ZNF827: variants seen among roughly 807,000 people sequenced by gnomAD.
ZNF827 encodes zinc finger protein 827.
A neutral mutation model predicts 102.4 loss-of-function variants in ZNF827; 13 were observed. The observed-to-expected ratio is 0.13, with a 90% CI of 0.08 to 0.20. The LOEUF (loss-of-function observed/expected upper bound fraction) is 0.20, where lower values mean the gene tolerates loss of function less well. Among genes scored for constraint, ZNF827 ranks in the 10% least tolerant of loss-of-function variants. The pLI, the probability that ZNF827 is intolerant of heterozygous loss-of-function variation, is 1.00. For missense variants in ZNF827, 1,103 were observed against 1,344.4 expected (o/e 0.82, Z 2.81); for synonymous variants, 523 against 536.2 (o/e 0.98, Z 0.34).
chr4:145,762,632 T>G lies in ZNF827; in HGVS notation c.*17+458A>C, dbSNP rs1003688576. Among the ~76,000 whole-genome samples, 1 of 152,090 alleles carries G rather than the reference T, an allele frequency of 6.6e-6. No homozygotes were observed. Among genetic ancestry groups the G allele is most frequent in the Non-Finnish European group, 1.5e-5 (1 of 68,010 alleles). On this transcript the variant is annotated intron_variant, in intron 14 of 14. Transcript: ENST00000508784. This position sits in a 1 kb window ranked among gnomAD's most constrained non-coding sequence, Gnocchi z 4.9. The stretch of plus-strand genomic sequence containing the variant: ...CAGGCTGGAGCTGGACACCCTAGCC[T>G]GGGCCTCTCTGTGGCTCGGTTTCTC...
intron 1 of ZNF827, among the ~76,000 whole-genome samples, chr4:145,917,962 T>C (rs1278109578): frequency 6.6e-6 from 1 of 152,130 alleles, no homozygotes; most frequent in Non-Finnish European, 1.5e-5. Context: ...AAAACTGGTA[T>C]TTTAAAAGGA....
chr4:145,911,228 G>A (rs188955245), intron 1 of ZNF827, among the ~76,000 whole-genome samples: 347 of 152,140 alleles, frequency 2.3e-3, no homozygotes, highest in African/African-American at 7.5e-3. Context: ...TAAAGTCGCC[G>A]CCCCCTCTAA....
intron 4 of ZNF827, among the ~76,000 whole-genome samples, chr4:145,885,239 TA>T (rs1750007667): frequency 6.6e-6 from 1 of 152,078 alleles, no homozygotes; most frequent in South Asian, 2.1e-4. Flanking sequence ...ATATGTCCTT[TA>T]AAAATCTTAT....
chr4:145,783,170 A>T (rs554659919), intron 8 of ZNF827, among the ~76,000 whole-genome samples: 1 of 152,274 alleles, frequency 6.6e-6, no homozygotes, highest in African/African-American at 2.4e-5. Context: ...CCTGGGGTAA[A>T]GGTTTTGCAT....
At chr4:145,802,642 G>C (rs1741024442) in intron 8 of ZNF827, among the ~76,000 whole-genome samples, 1 of 152,202 alleles carries the variant, frequency 6.6e-6, no homozygotes. Context: ...TGATTTAGTG[G>C]ATCTCAACCA....
At chr4:145,802,106 T>TTA (rs1740967423) in intron 8 of ZNF827, among the ~76,000 whole-genome samples, 1 of 152,222 alleles carries the variant, frequency 6.6e-6, no homozygotes, top group Non-Finnish European at 1.5e-5. Flanking sequence ...ACTAAAGACT[T>TTA]GTTTCAGATA....
At chr4:145,891,373 G>A (rs1045458835) in intron 3 of ZNF827, among the ~76,000 whole-genome samples, 4 of 152,170 alleles carry the variant, frequency 2.6e-5, no homozygotes, top group African/African-American at 9.7e-5. Context: ...TTCAATTCAG[G>A]TCTATCAAAT....
In ZNF827 at chr4:145,903,115, G is replaced by C. The variant is rs374103362; in HGVS notation, c.144C>G (p.Val48=). 7.4e-6 allele frequency: 12 copies of C among 1,614,076 alleles called. No homozygotes were observed. The part of the protein sequence containing the change: ...ETPSEASYGE[V]QENYKLSLED... The stretch of plus-strand genomic sequence containing the variant: ...CCAGAGACAACTTATAGTTCTCCTG[G>C]ACTTCCCCATAGGATGCTTCTGACG... The change falls in exon 2 of 15, where the codon GTC becomes GTG. Residue 48 remains valine (V), a synonymous_variant. Coordinates refer to ENST00000508784, the MANE Select transcript of ZNF827 (RefSeq NM_001306215.2).
At chr4:145,905,128 C>G (rs1031793550) in intron 1 of ZNF827, among the ~76,000 whole-genome samples, 2 of 152,208 alleles carry the variant, frequency 1.3e-5, no homozygotes, top group African/African-American at 4.8e-5. Context: ...TAAAGTGGTG[C>G]TCCTAGAGGG....
intron 8 of ZNF827, among the ~76,000 whole-genome samples, chr4:145,809,600 G>T (rs1407750388): frequency 9.9e-5 from 15 of 152,162 alleles, no homozygotes; most frequent in Admixed American, 9.8e-4. Flanking sequence ...GAGGTCACAA[G>T]ATGTGTCTTC....
At chr4:145,934,976 C>T (rs1754055328) in intron 1 of ZNF827, among the ~76,000 whole-genome samples, 1 of 152,168 alleles carries the variant, frequency 6.6e-6, no homozygotes. Flanking sequence ...TTAACAGTGG[C>T]TATTAACCTC....
intron 1 of ZNF827, among the ~76,000 whole-genome samples, chr4:145,931,573 T>C (rs1474982790): frequency 6.6e-6 from 1 of 152,228 alleles, no homozygotes; most frequent in Non-Finnish European, 1.5e-5. Context: ...CCCTATTCTG[T>C]AGGTCATACT....
rs1394141380 is a variant in ZNF827 at position 145,762,486 on chromosome 4, G to A, written c.*17+604C>T. 1.3e-5 allele frequency among the ~76,000 whole-genome samples: 2 copies of A among 152,170 alleles called. No individual in the cohort carries two copies. The highest frequency in any genetic ancestry group is 1.9e-4 in the East Asian group (1 of 5,192). On this transcript the variant is annotated intron_variant, in intron 14 of 14. Transcript: ENST00000508784. The surrounding 1 kb of genome is among the most constrained non-coding windows in gnomAD (Gnocchi z 4.9). ...TCCTCTGCATTCTCTGCAGTGCTTG[G>A]TAGAGTACTTAACACACGGTAAGCA...
At chr4:145,804,858 T>TTA (rs1259826778) in intron 8 of ZNF827, among the ~76,000 whole-genome samples, 6 of 152,240 alleles carry the variant, frequency 3.9e-5, no homozygotes, top group African/African-American at 1.4e-4. Flanking sequence ...AGTATTATAT[T>TTA]TATATAACAA....
At chr4:145,836,939 C>G (rs28814669) in intron 7 of ZNF827, among the ~76,000 whole-genome samples, 3,307 of 152,258 alleles carry the variant, frequency 0.022, 123 homozygotes, top group African/African-American at 0.075. Context: ...ACATCAAGCT[C>G]GAGGATTTGC....
intron 1 of ZNF827, among the ~76,000 whole-genome samples, chr4:145,919,669 T>TC (rs1752919551): frequency 1.3e-5 from 2 of 152,178 alleles, no homozygotes; most frequent in African/African-American, 4.8e-5. Flanking sequence ...ACTACTGAAA[T>TC]CCATCATCCA....
rs774851537 is a variant in ZNF827 at position 145,761,564 on chromosome 4, C to T, written c.*52G>A. 3.9e-6 allele frequency: 5 copies of T among 1,276,204 alleles called. No homozygotes were observed. Among genetic ancestry groups the T allele is most frequent in the South Asian group, 2.5e-5 (2 of 79,856 alleles). The allele number at this position is 1,276,204 out of a possible 1,614,324, so 79.1% of individuals were successfully genotyped here. ...GTCTTGAGGTGGCACTCCATGGCAG[C>T]GGGGCGGTTGGTGGAATAAATGCAG... On this transcript the variant is annotated 3_prime_UTR_variant, in exon 15 of 15. Transcript: ENST00000508784. This position sits in a 1 kb window ranked among gnomAD's most constrained non-coding sequence, Gnocchi z 6.8.
chr4:145,933,800 A>C (rs1005292245), intron 1 of ZNF827, among the ~76,000 whole-genome samples: 1 of 151,204 alleles, frequency 6.6e-6, no homozygotes, highest in Admixed American at 6.6e-5. Context: ...AAAAAAAAAA[A>C]CAAAAAAACA....
intron 8 of ZNF827, among the ~76,000 whole-genome samples, chr4:145,814,512 T>C (rs1341459726): frequency 6.6e-6 from 1 of 152,142 alleles, no homozygotes; most frequent in Non-Finnish European, 1.5e-5. Context: ...GGGAAATTAA[T>C]CTCCAGTTGG....
Sources: gnomAD v4.1 joint callset for allele counts (sites outside exome capture counted in the v4.1 genomes callset) on GRCh38, gnomAD v4.1.1 for gene constraint, Gnocchi (gnomAD v3.1) non-coding constraint, MANE v1.5 for transcripts, NCBI Gene and HGNC (gene_info 2026-07-23, HGNC 2026-07-21) for gene names.